ANAPC7: variants seen among roughly 807,000 people sequenced by gnomAD.
The protein encoded by ANAPC7 is anaphase-promoting complex subunit 7.
In ANAPC7, 25 loss-of-function variants were observed where a neutral mutation model predicts 63.3. That is an observed-to-expected ratio of 0.39 (90% confidence interval 0.29 to 0.55). The LOEUF is 0.55. ANAPC7 is among the 20% of genes least tolerant of loss of function. ANAPC7 has a pLI of 0.57. For synonymous variants in ANAPC7, 241 were observed against 251.7 expected, an observed-to-expected ratio of 0.96 and a Z score of 0.40; for missense variants, 516 against 691.7, an observed-to-expected ratio of 0.75 and a Z score of 2.85.
At position 110,374,101 on chromosome 12, in the gene ANAPC7, T is replaced by C; in HGVS notation, c.*43A>G. Reference sequence around the variant, plus strand: ...CGGTTCCTTCAGTCCACGGAAGTGCTCAGAGCAGGGCAGGCCACTGCGGCC... The same window carrying C: ...CGGTTCCTTCAGTCCACGGAAGTGCCCAGAGCAGGGCAGGCCACTGCGGCC... On this transcript the variant is annotated 3_prime_UTR_variant, in exon 11 of 11. Coordinates refer to ENST00000455511, the MANE Select transcript of ANAPC7 (RefSeq NM_016238.3). The C allele has an allele frequency of 6.4e-7, 1 of 1,558,390 alleles. No homozygotes were observed. Among genetic ancestry groups the C allele is most frequent in the East Asian group, 2.3e-5 (1 of 44,222 alleles).
chr12:110,387,866 C>A lies in ANAPC7; in HGVS notation c.547G>T (p.Ala183Ser). The change falls in exon 5 of 11, where the codon GCA becomes TCA. Residue 183 changes from alanine to serine, a missense_variant. Coordinates refer to ENST00000455511, the MANE Select transcript of ANAPC7 (RefSeq NM_016238.3). ...TTCATTGTCATGGATGCCACCTCTGCCCCTTTTACAGAAAGGGACAACAAG... is the reference window on the plus strand; with the variant it reads ...TTCATTGTCATGGATGCCACCTCTGACCCTTTTACAGAAAGGGACAACAAG... ...LGLLSLSVKG[A>S]EVASMTMNVI... 6.2e-7 allele frequency: 1 copy of A among 1,614,052 alleles called. No individual in the cohort carries two copies. The highest frequency in any genetic ancestry group is 8.5e-7 in the Non-Finnish European group (1 of 1,179,978).
chr12:110,396,659 T>C, intron 1 of ANAPC7: 1 of 401,702 alleles, frequency 2.5e-6, no homozygotes, highest in African/African-American at 2.2e-5. Context: ...TACAGGCACA[T>C]GGCACCACAC....
intron 3 of ANAPC7, among the ~76,000 whole-genome samples, chr12:110,388,907 C>T (rs1329080504): frequency 1.3e-5 from 2 of 151,698 alleles, no homozygotes; most frequent in Non-Finnish European, 2.9e-5. Context: ...AGTGAAACCC[C>T]GTCTCTACTA....
intron 1 of ANAPC7, 149 bp downstream of exon 1, chr12:110,403,378 C>A: frequency 1.2e-6 from 1 of 842,280 alleles, no homozygotes; most frequent in Non-Finnish European, 1.8e-6. Context: ...CCGAAGTCTG[C>A]TCCGCTCCAG....
At chr12:110,390,123 C>T (rs1168597052) in intron 3 of ANAPC7, among the ~76,000 whole-genome samples, 2 of 151,580 alleles carry the variant, frequency 1.3e-5, no homozygotes, top group Non-Finnish European at 2.9e-5. Flanking sequence ...GGCTAGAGTG[C>T]GATGGCACGA....
Position 110,386,404 on chromosome 12 carries a change from T to C in ANAPC7, c.740A>G (p.Tyr247Cys). 6.2e-7 allele frequency: 1 copy of C among 1,614,166 alleles called. No individual in the cohort carries two copies. ...VDLLGSLADL[Y>C]FRAGDNKNSV... ...GTTTTTATTGTCTCCAGCTCTGAAG[T>C]ACAGATCTGCCAAGCTTCCCAATAG... Residue 247 changes from tyrosine (Y) to cysteine (C), a missense_variant, in exon 6 of 11, where the codon TAC becomes TGC. By Grantham distance (194) the Tyr-to-Cys change is radical. Coordinates refer to ENST00000455511, the MANE Select transcript of ANAPC7 (RefSeq NM_016238.3).
chr12:110,403,540 T>C lies in ANAPC7; in HGVS notation c.88A>G (p.Ser30Gly). 6.2e-7 allele frequency: 1 copy of C among 1,603,742 alleles called. No individual in the cohort carries two copies. Among genetic ancestry groups the C allele is most frequent in the Non-Finnish European group, 8.5e-7 (1 of 1,175,866 alleles). Residue 30 changes from serine (S) to glycine (G), a missense_variant, in exon 1 of 11, where the codon AGT becomes GGT. Ser to Gly is a moderately conservative substitution (Grantham distance 56). Transcript: ENST00000455511. ...GCCTCAACTCACGGGTTGTTATTAC[T>C]CATTGTAAGTAACAAGCTGCTGAGG... is the stretch of plus-strand genomic sequence containing the variant. ...RLLSSLLLTM[S>G]NNNPELFSPP...
chr12:110,374,762 T>C (rs564574003), intron 10 of ANAPC7, among the ~76,000 whole-genome samples: 1 of 152,320 alleles, frequency 6.6e-6, no homozygotes, highest in African/African-American at 2.4e-5. Context: ...CATGTTCTTA[T>C]GATGTAATTA....
Position 110,380,361 on chromosome 12 carries a change from A to T in ANAPC7, c.1132+1391T>A, listed in dbSNP as rs543680948. 4.0e-5 allele frequency among the ~76,000 whole-genome samples: 6 copies of T among 150,578 alleles called. No individual in the cohort carries two copies. The South Asian group carries it at 6.3e-4, about 16-fold the overall frequency. ...GTGAGACTCTATCTCAAATAAAAATAAAAAAAATAGGCCGGTTGTGGTGGC... is the reference window on the plus strand; with the variant it reads ...GTGAGACTCTATCTCAAATAAAAATTAAAAAAATAGGCCGGTTGTGGTGGC... On this transcript the variant is annotated intron_variant, in intron 8 of 10. Transcript: ENST00000455511.
At chr12:110,386,192 A>G in intron 6 of ANAPC7, 135 bp downstream of exon 6, 4 of 1,318,680 alleles carry the variant, frequency 3.0e-6, no homozygotes, top group South Asian at 2.6e-5. Flanking sequence ...ACCTAAAAAA[A>G]GTAAAAGACT....
chr12:110,402,698 G>A (rs1445719205), intron 1 of ANAPC7, among the ~76,000 whole-genome samples: 3 of 152,030 alleles, frequency 2.0e-5, no homozygotes, highest in African/African-American at 7.2e-5. Flanking sequence ...GTGCTTCAAG[G>A]AAACATGAAA....
In ANAPC7 at chr12:110,396,387, T is replaced by A. The variant is rs777960162; in HGVS notation, c.167A>T (p.Asp56Val). The A allele has an allele frequency of 1.4e-5, 23 of 1,613,880 alleles. No homozygotes were observed. The highest frequency in any genetic ancestry group is 1.8e-5 in the Non-Finnish European group (21 of 1,179,962). The change falls in exon 2 of 11, where the codon GAT becomes GTT. Residue 56 changes from aspartate (D) to valine (V), a missense_variant. Asp to Val is a radical substitution (Grantham distance 152). Around this residue, in one of 4 missense-constraint regions of ANAPC7, gnomAD observed 185 missense variants for 200.3 expected, o/e 0.92. Transcript: ENST00000455511. The part of the protein sequence containing the change: ...LVYHADSLFH[D>V]KEYRNAVSKY... ...ACTCACAGCATTCCGATATTCCTTA[T>A]CATGAAAGAGAGAATCTGCATGATA...
chr12:110,388,001 A>G, intron 4 of ANAPC7, 109 bp from the exon 5 acceptor site: 1 of 1,114,436 alleles, frequency 9.0e-7, no homozygotes, highest in African/African-American at 1.6e-5. Flanking sequence ...CTGCTTCCCT[A>G]TTCTGAGCGA....
chr12:110,402,909 A>C (rs1358876824), intron 1 of ANAPC7, among the ~76,000 whole-genome samples: 1 of 151,536 alleles, frequency 6.6e-6, no homozygotes, highest in Non-Finnish European at 1.5e-5. Flanking sequence ...CTAATTGTTT[A>C]ATTTTTACTT....
intron 9 of ANAPC7, among the ~76,000 whole-genome samples, chr12:110,376,969 A>C (rs1448770447): frequency 6.6e-6 from 1 of 151,504 alleles, no homozygotes; most frequent in Non-Finnish European, 1.5e-5. Context: ...ATAAAAAAAA[A>C]TAATAAAAAA....
Position 110,403,565 on chromosome 12 carries a change from G to A in ANAPC7, c.63C>T (p.Leu21=). 1 of 1,608,142 alleles carries A rather than the reference G, an allele frequency of 6.2e-7. No individual in the cohort carries two copies. Among genetic ancestry groups the A allele is most frequent in the South Asian group, 1.1e-5 (1 of 90,122 alleles). The change falls in exon 1 of 11, where the codon CTC becomes CTT. Residue 21 remains leucine, a synonymous_variant. Coordinates refer to ENST00000455511, the MANE Select transcript of ANAPC7 (RefSeq NM_016238.3). ...TCATTGTAAGTAACAAGCTGCTGAG[G>A]AGCCGCACGTTGGAGTGCAGCCCCG... ...AAAGLHSNVR[L]LSSLLLTMSN...
chr12:110,386,121 G>C (rs543656445), intron 6 of ANAPC7, among the ~76,000 whole-genome samples: 14 of 152,226 alleles, frequency 9.2e-5, no homozygotes, highest in African/African-American at 3.4e-4. Context: ...GAAGACACTT[G>C]AATTCAAGCA....
At chr12:110,375,089 A>G (rs1430696330) in intron 10 of ANAPC7, among the ~76,000 whole-genome samples, 1 of 152,222 alleles carries the variant, frequency 6.6e-6, no homozygotes, top group Non-Finnish European at 1.5e-5. Context: ...CTGAGATTCT[A>G]AAAAGCAGCT....
intron 7 of ANAPC7, among the ~76,000 whole-genome samples, 193 bp from the exon 8 acceptor site, chr12:110,382,141 G>A (rs1017696542): frequency 6.6e-6 from 1 of 151,742 alleles, no homozygotes; most frequent in African/African-American, 2.4e-5. Flanking sequence ...TTATTTTTAA[G>A]GGGAAATCTT....
Sources: allele counts gnomAD v4.1 joint callset (sites outside exome capture counted in the v4.1 genomes callset), GRCh38; gene constraint gnomAD v4.1.1; regional missense constraint gnomAD v4.1.1; transcripts MANE v1.5; gene names NCBI Gene and HGNC (gene_info 2026-07-23, HGNC 2026-07-21).